BZW2: variants seen among roughly 807,000 people sequenced by gnomAD.
BZW2 encodes basic leucine zipper and W2 domains 2.
In BZW2, 23 loss-of-function variants were observed where a neutral mutation model predicts 53.2. The observed-to-expected ratio is 0.43, with a 90% CI of 0.31 to 0.61. The LOEUF is 0.61. Ranked by LOEUF, BZW2 falls within the 20% of genes least tolerant of loss-of-function variation. BZW2 has a pLI of 0.09. For missense variants in BZW2, 409 were observed against 503.1 expected (o/e 0.81, Z 1.79); for synonymous variants, 227 against 186.4 (o/e 1.22, Z -1.77).
chr7:16,688,858 T>A (rs189923174), intron 6 of BZW2, among the ~76,000 whole-genome samples: 16 of 152,132 alleles, frequency 1.1e-4, no homozygotes, highest in Admixed American at 9.8e-4. Context: ...TAATAATGAT[T>A]TTTTTTTAAA....
intron 7 of BZW2, among the ~76,000 whole-genome samples, chr7:16,692,254 A>C (rs952446422): frequency 6.6e-6 from 1 of 152,162 alleles, no homozygotes; most frequent in Non-Finnish European, 1.5e-5. Flanking sequence ...TTACTGACAA[A>C]GAGAATAGTG....
intron 1 of BZW2, among the ~76,000 whole-genome samples, chr7:16,661,763 T>C (rs1203902411): frequency 6.6e-6 from 1 of 152,104 alleles, no homozygotes; most frequent in Non-Finnish European, 1.5e-5. Flanking sequence ...AATTTTAATA[T>C]TATTTTAAAC....
intron 2 of BZW2, among the ~76,000 whole-genome samples, chr7:16,672,830 C>G (rs1206790115): frequency 6.6e-6 from 1 of 152,192 alleles, no homozygotes; most frequent in Non-Finnish European, 1.5e-5. Context: ...TTTCCAAACC[C>G]AAACTTCCAG....
chr7:16,702,949 G>A (rs1053740234), intron 10 of BZW2, among the ~76,000 whole-genome samples: 1 of 152,128 alleles, frequency 6.6e-6, no homozygotes, highest in Non-Finnish European at 1.5e-5. Flanking sequence ...GATAATTACT[G>A]ATCTAATCAT....
intron 2 of BZW2, among the ~76,000 whole-genome samples, chr7:16,670,998 T>C (rs1243083057): frequency 6.6e-6 from 1 of 152,228 alleles, no homozygotes; most frequent in Non-Finnish European, 1.5e-5. Flanking sequence ...AACCCAGCCC[T>C]TCTGTTAGAC....
In BZW2 at chr7:16,665,471, A is replaced by G; in HGVS notation, c.28A>G (p.Thr10Ala). Residue 10 changes from threonine (T) to alanine (A), a missense_variant, in exon 2 of 12, where the codon ACA (threonine) becomes GCA (alanine). This residue lies in a region of BZW2 where 316 missense variants were observed against 366.8 expected (regional missense o/e 0.86). Coordinates refer to ENST00000258761, the MANE Select transcript of BZW2 (RefSeq NM_014038.3). MNKHQKPVLTGQRFKTRKRD... is the reference protein window; with the variant it reads MNKHQKPVLAGQRFKTRKRD... ...GAATAAGCATCAGAAGCCAGTGCTA[A>G]CAGGCCAGCGGTTCAAAACTCGGAA... The G allele has an allele frequency of 6.2e-7, 1 of 1,614,098 alleles. No individual in the cohort carries two copies.
chr7:16,653,850 A>G (rs1394932501), intron 1 of BZW2, among the ~76,000 whole-genome samples: 2 of 152,174 alleles, frequency 1.3e-5, no homozygotes, highest in Non-Finnish European at 1.5e-5. Flanking sequence ...TGGGAAGAGC[A>G]CTACCCTTCT....
intron 2 of BZW2, 141 bp downstream of exon 2, chr7:16,665,642 T>C (rs1782400824): frequency 7.2e-7 from 1 of 1,385,028 alleles, no homozygotes; most frequent in Non-Finnish European, 9.7e-7. Flanking sequence ...TGAAGTGCTT[T>C]AGTGAAACCA....
At chr7:16,698,763 G>A (rs78710949) in intron 10 of BZW2, among the ~76,000 whole-genome samples, 1 of 152,208 alleles carries the variant, frequency 6.6e-6, no homozygotes, top group East Asian at 1.9e-4. Context: ...GGTTTTAACC[G>A]ATCCCAATCT....
At chr7:16,680,975 A>G (rs142610947) in intron 3 of BZW2, among the ~76,000 whole-genome samples, 3,401 of 152,066 alleles carry the variant, frequency 0.022, 128 homozygotes, top group African/African-American at 0.076. Flanking sequence ...ATGGTGGTGC[A>G]TGCCTGTAAT....
At chr7:16,670,143 G>A (rs1782558061) in intron 2 of BZW2, among the ~76,000 whole-genome samples, 1 of 152,042 alleles carries the variant, frequency 6.6e-6, no homozygotes, top group African/African-American at 2.4e-5. Flanking sequence ...TAGTCCTTTC[G>A]GTCCATCATA....
At chr7:16,651,998 C>G (rs1781992788) in intron 1 of BZW2, among the ~76,000 whole-genome samples, 1 of 152,148 alleles carries the variant, frequency 6.6e-6, no homozygotes, top group African/African-American at 2.4e-5. Context: ...TTAGTTGGCT[C>G]CTTGGAAAAT....
At chr7:16,681,474 C>A in intron 4 of BZW2, 70 bp downstream of exon 4, 2 of 1,248,974 alleles carry the variant, frequency 1.6e-6, no homozygotes, top group South Asian at 2.7e-5. Context: ...CTCTACAGTC[C>A]ACCCACTTTT....
rs1356337797 is a variant in BZW2 at position 16,694,976 on chromosome 7, G to A, written c.794G>A (p.Arg265His). Residue 265 changes from arginine (R) to histidine (H), a missense_variant, in exon 8 of 12, where the codon CGT becomes CAT. Arg to His is a conservative substitution (Grantham distance 29). Transcript: ENST00000258761. ...RKELQKELQE[R>H]LSQECPIKEV... ...GAACTGCAGAAGGAGCTCCAGGAGC[G>A]TCTTTCTCAGGAATGCCCGATCAAG... is the stretch of plus-strand genomic sequence containing the variant. 5.7e-6 allele frequency: 9 copies of A among 1,588,182 alleles called. No homozygotes were observed. Among genetic ancestry groups the A allele is most frequent in the South Asian group, 1.1e-5 (1 of 89,284 alleles).
chr7:16,649,444 C>T (rs954244000), intron 1 of BZW2, among the ~76,000 whole-genome samples: 1 of 152,182 alleles, frequency 6.6e-6, no homozygotes, highest in African/African-American at 2.4e-5. Flanking sequence ...GGATCTCAAG[C>T]TTCTTGACAT....
At chr7:16,670,282 G>A (rs1013388383) in intron 2 of BZW2, among the ~76,000 whole-genome samples, 2 of 152,188 alleles carry the variant, frequency 1.3e-5, no homozygotes, top group Non-Finnish European at 2.9e-5. Flanking sequence ...TTTGGAATGG[G>A]AGGATGAAGA....
At chr7:16,681,464 C>T in intron 4 of BZW2, 60 bp downstream of exon 4, 4 of 1,330,562 alleles carry the variant, frequency 3.0e-6, no homozygotes, top group Non-Finnish European at 4.2e-6. Flanking sequence ...TCTATAGAAG[C>T]TCTACAGTCC....
intron 8 of BZW2, among the ~76,000 whole-genome samples, chr7:16,696,244 A>G (rs2128368210): frequency 6.6e-6 from 1 of 152,348 alleles, no homozygotes; most frequent in South Asian, 2.1e-4. Context: ...TTTTATTTTA[A>G]AAGGAAAAAG....
At chr7:16,663,683 A>C (rs890383781) in intron 1 of BZW2, among the ~76,000 whole-genome samples, 1 of 152,192 alleles carries the variant, frequency 6.6e-6, no homozygotes, top group Non-Finnish European at 1.5e-5. Flanking sequence ...TAATTAAGGA[A>C]ATCTAGACAT....
Sources: allele counts gnomAD v4.1 joint callset (sites outside exome capture counted in the v4.1 genomes callset), GRCh38; gene constraint gnomAD v4.1.1; regional missense constraint gnomAD v4.1.1; transcripts MANE v1.5; gene names NCBI Gene and HGNC (gene_info 2026-07-23, HGNC 2026-07-21).